PTPRA: variants seen among roughly 807,000 people sequenced by gnomAD.
PTPRA encodes the protein protein tyrosine phosphatase receptor type A.
PTPRA carries 25 observed loss-of-function variants against 104.8 expected under a neutral mutation model. That is an observed-to-expected ratio of 0.24 (90% CI 0.17 to 0.33). The LOEUF is 0.33. PTPRA is among the 10% of genes least tolerant of loss of function. PTPRA has a pLI of 1.00. For synonymous variants in PTPRA, 323 were observed against 368.9 expected (o/e 0.88, Z 1.43); for missense variants, 765 against 1,015.3 (o/e 0.75, Z 3.35).
chr20:3,020,755 T>A (rs1355923331), intron 13 of PTPRA, among the ~76,000 whole-genome samples: 1 of 152,210 alleles, frequency 6.6e-6, no homozygotes, highest in Non-Finnish European at 1.5e-5. Context: ...GGTGTCATGA[T>A]CAACAGCTCC....
chr20:2,985,072 T>C (rs767982969), intron 6 of PTPRA, among the ~76,000 whole-genome samples: 3 of 152,254 alleles, frequency 2.0e-5, no homozygotes, highest in Admixed American at 2.0e-4. Flanking sequence ...TGAACACTTC[T>C]CTGTTCCTAG....
At chr20:2,911,856 C>G (rs867086162) in intron 1 of PTPRA, among the ~76,000 whole-genome samples, 1 of 151,798 alleles carries the variant, frequency 6.6e-6, no homozygotes, top group African/African-American at 2.4e-5. Flanking sequence ...CAGTGGAAAT[C>G]GTATACTAAA....
intron 2 of PTPRA, among the ~76,000 whole-genome samples, chr20:2,926,940 G>A (rs1268384940): frequency 2.6e-5 from 4 of 151,560 alleles, no homozygotes; most frequent in East Asian, 3.9e-4. Flanking sequence ...ACAGGCACCC[G>A]CCACCACGCC....
At chr20:3,030,938 C>A (rs2065423164) in intron 20 of PTPRA, among the ~76,000 whole-genome samples, 1 of 152,088 alleles carries the variant, frequency 6.6e-6, no homozygotes, top group African/African-American at 2.4e-5. Context: ...CCTTAGCCTC[C>A]CAGAGTGCTA....
intron 6 of PTPRA, among the ~76,000 whole-genome samples, chr20:2,985,532 T>C (rs753297328): frequency 6.6e-6 from 1 of 151,466 alleles, no homozygotes; most frequent in Non-Finnish European, 1.5e-5. Context: ...GGGTGGAGGG[T>C]GAGAGTGGAG....
chr20:3,022,931 G>C lies in PTPRA; in HGVS notation c.1464+107G>C. 6.7e-7 allele frequency: 1 copy of C among 1,494,864 alleles called. No homozygotes were observed. Among genetic ancestry groups the C allele is most frequent in the Non-Finnish European group, 9.0e-7 (1 of 1,105,732 alleles). 92.6% of individuals were successfully genotyped at this position (1,494,864 alleles called of 1,614,324 possible). On this transcript the variant is annotated intron_variant, in intron 16 of 23. Transcript: ENST00000399903. The surrounding 1 kb of genome is among the most constrained non-coding windows in gnomAD (Gnocchi z 4.6). Reference sequence around the variant, plus strand: ...CAGGTTATTGTAAATGATTACTATAGAGTGTGATTGTGGGGGAAAGAAAGA... The same window carrying C: ...CAGGTTATTGTAAATGATTACTATACAGTGTGATTGTGGGGGAAAGAAAGA...
In PTPRA at chr20:3,007,326, T is replaced by C; in HGVS notation, c.830-18T>C. 2 of 1,608,516 alleles carry C rather than the reference T, an allele frequency of 1.2e-6. No individual in the cohort carries two copies. Among genetic ancestry groups the C allele is most frequent in the African/African-American group, 2.7e-5 (2 of 74,888 alleles). On this transcript the variant is annotated intron_variant, in intron 10 of 23. Coordinates refer to ENST00000399903, the MANE Select transcript of PTPRA (RefSeq NM_001385305.1). ...ATAAATTTTGATTTTACTGAAATAT[T>C]GTTGGTTTGTTTCCTAGATGACCAC...
At chr20:2,946,673 C>A (rs2061143060) in intron 2 of PTPRA, among the ~76,000 whole-genome samples, 1 of 151,920 alleles carries the variant, frequency 6.6e-6, no homozygotes, top group African/African-American at 2.4e-5. Flanking sequence ...CATGGTGAAA[C>A]CCCATCTCTA....
chr20:3,008,896 GGT>G (rs766798682), intron 11 of PTPRA, among the ~76,000 whole-genome samples: 3 of 151,778 alleles, frequency 2.0e-5, no homozygotes, highest in Admixed American at 6.6e-5. Context: ...TGGGCGACAG[GGT>G]GAGACTGTCT....
At chr20:2,959,793 A>T (rs1268443702) in intron 3 of PTPRA, among the ~76,000 whole-genome samples, 1 of 152,046 alleles carries the variant, frequency 6.6e-6, no homozygotes, top group African/African-American at 2.4e-5. Context: ...TCTACTAACA[A>T]TACACAAATT....
intron 1 of PTPRA, among the ~76,000 whole-genome samples, chr20:2,904,666 CAAAAAA>C (rs397865578): frequency 1.5e-5 from 1 of 66,100 alleles, no homozygotes; most frequent in Middle Eastern, 8.8e-3. Context: ...GACTCCGTCT[CAAAAAA>C]AAAAAAAAAA....
chr20:2,934,635 A>C (rs2060624261), intron 2 of PTPRA, among the ~76,000 whole-genome samples: 1 of 150,736 alleles, frequency 6.6e-6, no homozygotes, highest in South Asian at 2.1e-4. Context: ...ACAGGTTCCC[A>C]GGTATGCTTC....
At chr20:2,898,374 C>T (rs923702993) in intron 1 of PTPRA, among the ~76,000 whole-genome samples, 2 of 151,772 alleles carry the variant, frequency 1.3e-5, no homozygotes, top group Non-Finnish European at 2.9e-5. Context: ...GCCACCGCGC[C>T]TGGCAATTTT....
chr20:2,927,303 T>C (rs2060337251), intron 2 of PTPRA, among the ~76,000 whole-genome samples: 1 of 152,192 alleles, frequency 6.6e-6, no homozygotes, highest in African/African-American at 2.4e-5. Flanking sequence ...TTCAATGTCA[T>C]AGACCCTGGG....
chr20:2,963,672 C>T (rs767764249), intron 3 of PTPRA, among the ~76,000 whole-genome samples: 10 of 152,024 alleles, frequency 6.6e-5, no homozygotes, highest in Non-Finnish European at 1.5e-4. Context: ...CTGAAATGCT[C>T]CAAAATTTGA....
chr20:2,923,638 A>C (rs2060179816), intron 2 of PTPRA, among the ~76,000 whole-genome samples: 1 of 152,054 alleles, frequency 6.6e-6, no homozygotes, highest in Non-Finnish European at 1.5e-5. Context: ...ATCTCTACCA[A>C]AAATACAAAA....
At chr20:2,946,720 T>C (rs1600153734) in intron 2 of PTPRA, among the ~76,000 whole-genome samples, 1 of 151,796 alleles carries the variant, frequency 6.6e-6, no homozygotes, top group East Asian at 1.9e-4. Flanking sequence ...TGGTGGCGCA[T>C]GCCTGTAATC....
upstream of PTPRA, among the ~76,000 whole-genome samples, chr20:2,872,905 C>T (rs2089464528): frequency 6.6e-6 from 1 of 152,200 alleles, no homozygotes; most frequent in Non-Finnish European, 1.5e-5. The surrounding 1 kb of genome is among the most constrained non-coding windows in gnomAD (Gnocchi z 7.9). Context: ...GCATGCGCAT[C>T]TGGAAAGCGG....
At chr20:3,028,185 G>GC (rs143117954) in intron 20 of PTPRA, among the ~76,000 whole-genome samples, 5,635 of 151,532 alleles carry the variant, frequency 0.037, 310 homozygotes, top group African/African-American at 0.12. Flanking sequence ...GCCCCAGGCG[G>GC]GGGGGGCACC....
Sources: allele counts gnomAD v4.1 joint callset (sites outside exome capture counted in the v4.1 genomes callset), GRCh38; gene constraint gnomAD v4.1.1; non-coding constraint Gnocchi (gnomAD v3.1); transcripts MANE v1.5; gene names NCBI Gene and HGNC (gene_info 2026-07-23, HGNC 2026-07-21).